The following ADCY8 variants were observed in gnomAD, a reference collection of about 807,000 sequenced individuals.
The protein encoded by ADCY8 is adenylate cyclase 8.
In ADCY8, 51 loss-of-function variants were observed where a neutral mutation model predicts 119.7. The ratio of observed to expected loss-of-function variants is 0.43; its 90% CI spans 0.34 to 0.54. The LOEUF is 0.54. Among genes scored for constraint, ADCY8 ranks in the 20% least tolerant of loss-of-function variants. The pLI is 0.03. For missense variants in ADCY8, 1,383 were observed against 1,598.8 expected (o/e 0.87, Z 2.30); for synonymous variants, 665 against 651.0 (o/e 1.02, Z -0.33).
intron 1 of ADCY8, among the ~76,000 whole-genome samples, chr8:131,014,373 T>C (rs1823403781): frequency 6.6e-6 from 1 of 152,222 alleles, no homozygotes; most frequent in Non-Finnish European, 1.5e-5. Context: ...CATTAGGTAG[T>C]AAAAATATAA....
intron 2 of ADCY8, among the ~76,000 whole-genome samples, chr8:130,982,091 C>T (rs972062447): frequency 8.5e-5 from 13 of 152,232 alleles, no homozygotes; most frequent in South Asian, 4.2e-4. Flanking sequence ...GCAAATAATG[C>T]GCTAGGAAGA....
intron 2 of ADCY8, among the ~76,000 whole-genome samples, chr8:130,969,470 A>T (rs953244494): frequency 3.9e-5 from 6 of 152,160 alleles, no homozygotes; most frequent in African/African-American, 1.4e-4. Context: ...CCTGACTAAT[A>T]TACATAGTAT....
intron 5 of ADCY8, among the ~76,000 whole-genome samples, chr8:130,926,679 T>C (rs1260668284): frequency 1.3e-5 from 2 of 152,268 alleles, no homozygotes; most frequent in South Asian, 2.1e-4. Context: ...AATAGGTCTT[T>C]TGAATTTATT....
intron 1 of ADCY8, among the ~76,000 whole-genome samples, chr8:131,013,934 T>C (rs1281009200): frequency 6.6e-6 from 1 of 152,230 alleles, no homozygotes; most frequent in Non-Finnish European, 1.5e-5. Flanking sequence ...GTGTGTTTAT[T>C]GTTGCAAAGG....
chr8:130,998,772 C>T (rs1379166361), intron 1 of ADCY8, among the ~76,000 whole-genome samples: 1 of 152,004 alleles, frequency 6.6e-6, no homozygotes, highest in South Asian at 2.1e-4. Flanking sequence ...GAATGTATTC[C>T]AAGGGAAGAG....
intron 5 of ADCY8, among the ~76,000 whole-genome samples, chr8:130,934,953 T>A (rs1820740351): frequency 6.6e-6 from 1 of 152,220 alleles, no homozygotes; most frequent in South Asian, 2.1e-4. Flanking sequence ...GACTTTCAGA[T>A]AAATCCCTTA....
chr8:131,030,016 C>T (rs1823948847), intron 1 of ADCY8, among the ~76,000 whole-genome samples: 1 of 152,154 alleles, frequency 6.6e-6, no homozygotes, highest in African/African-American at 2.4e-5. Flanking sequence ...AATTCTTGAC[C>T]TCAAGGGGCT....
chr8:131,012,856 T>A (rs1823354306), intron 1 of ADCY8, among the ~76,000 whole-genome samples: 2 of 152,164 alleles, frequency 1.3e-5, no homozygotes, highest in Admixed American at 1.3e-4. Context: ...TTCCAACTTT[T>A]CTCCTCCGTG....
rs1334196093 is a variant in ADCY8, at chr8:130,890,947, A to G, written c.1912-6186T>C. On this transcript the variant is annotated intron_variant, in intron 7 of 17. Coordinates refer to ENST00000286355, the MANE Select transcript of ADCY8 (RefSeq NM_001115.3). ...CAGTGTGGGCCAACTCATTGCTGAT[A>G]TGGAAAAGACCTAGCGAGAACGCCA... Among the ~76,000 whole-genome samples the G allele has an allele frequency of 2.0e-5, 3 of 152,308 alleles. No homozygotes were observed. The East Asian group carries it at 5.8e-4, about 29-fold the overall frequency.
rs768809658 is a variant in ADCY8 at position 130,849,814 on chromosome 8, A to T, written c.2211-11T>A. 1.2e-6 allele frequency: 2 copies of T among 1,608,710 alleles called. No individual in the cohort carries two copies. The highest frequency in any genetic ancestry group is 8.5e-7 in the Non-Finnish European group (1 of 1,177,378). Reference sequence around the variant, plus strand: ...GTCATTGGCATCACTCTGCAGGGAAACACAGAATGTTGGGTCATTGGCATC... The same window carrying T: ...GTCATTGGCATCACTCTGCAGGGAATCACAGAATGTTGGGTCATTGGCATC... On this transcript the variant is annotated splice_polypyrimidine_tract_variant and intron_variant, in intron 9 of 17. Coordinates refer to ENST00000286355, the MANE Select transcript of ADCY8 (RefSeq NM_001115.3).
In ADCY8 at chr8:131,039,448, C is replaced by T. The variant is rs747470923; in HGVS notation, c.886G>A (p.Gly296Ser). The T allele has an allele frequency of 1.2e-6, 2 of 1,614,216 alleles. No homozygotes were observed. Among genetic ancestry groups the T allele is most frequent in the South Asian group, 1.1e-5 (1 of 91,086 alleles). Residue 296 changes from glycine to serine, a missense_variant, in exon 1 of 18, where the codon GGC (glycine) becomes AGC (serine). By Grantham distance (56) the Gly-to-Ser change is moderately conservative. This residue lies in a region of ADCY8 where 455 missense variants were observed against 435.3 expected (regional missense o/e 1.05). Transcript: ENST00000286355. ...PLPLTWAILA[G>S]LGTSLLQVIL... Reference sequence around the variant, plus strand: ...ACCTGCAGCAGCGAGGTGCCCAGGCCGGCCAGGATGGCCCAGGTGAGCGGC... The same window carrying T: ...ACCTGCAGCAGCGAGGTGCCCAGGCTGGCCAGGATGGCCCAGGTGAGCGGC...
chr8:130,787,169 G>A (rs1168489964), intron 15 of ADCY8, among the ~76,000 whole-genome samples: 1 of 152,116 alleles, frequency 6.6e-6, no homozygotes, highest in Non-Finnish European at 1.5e-5. Flanking sequence ...GACAAGCACT[G>A]AAAGGGTGTA....
At chr8:131,004,660 G>C (rs1375066303) in intron 1 of ADCY8, among the ~76,000 whole-genome samples, 1 of 152,150 alleles carries the variant, frequency 6.6e-6, no homozygotes, top group Non-Finnish European at 1.5e-5. Flanking sequence ...TTTACTGAGT[G>C]CCTCCTATAG....
chr8:130,902,211 C>T (rs1186912532), intron 7 of ADCY8, among the ~76,000 whole-genome samples: 1 of 152,154 alleles, frequency 6.6e-6, no homozygotes, highest in Non-Finnish European at 1.5e-5. Flanking sequence ...GCATGCATTT[C>T]TTTCTCTTTA....
At chr8:131,033,342 T>C (rs936582495) in intron 1 of ADCY8, among the ~76,000 whole-genome samples, 3 of 152,192 alleles carry the variant, frequency 2.0e-5, no homozygotes, top group Admixed American at 1.3e-4. Context: ...TGGAATAAAC[T>C]CTTTTTAAAA....
At chr8:130,881,978 G>A (rs939924687) in intron 8 of ADCY8, among the ~76,000 whole-genome samples, 20 of 152,054 alleles carry the variant, frequency 1.3e-4, no homozygotes, top group Admixed American at 1.2e-3. Context: ...ATAGGCATAT[G>A]GGTTTCCTCA....
At chr8:130,859,952 T>C (rs1336141562) in intron 9 of ADCY8, among the ~76,000 whole-genome samples, 2 of 152,206 alleles carry the variant, frequency 1.3e-5, no homozygotes, top group African/African-American at 4.8e-5. Context: ...TTAAGGTTCA[T>C]TGATGTCTTT....
At chr8:130,832,261 G>A (rs1816856587) in intron 12 of ADCY8, among the ~76,000 whole-genome samples, 1 of 152,154 alleles carries the variant, frequency 6.6e-6, no homozygotes, top group African/African-American at 2.4e-5. Flanking sequence ...GAGGGTTGTT[G>A]TGGGACAGGT....
chr8:131,039,831 C>G lies in ADCY8; in HGVS notation c.503G>C (p.Arg168Pro). The part of the protein sequence containing the change: ...RNSFKSRDLE[R>P]LYQRYFLGQR... ...GCCCAAGAAATAGCGCTGGTAGAGG[C>G]GTTCCAAATCCCGAGATTTGAAGGA... The change falls in exon 1 of 18, where the codon CGC becomes CCC. Residue 168 changes from arginine (R) to proline (P), a missense_variant. Arg to Pro is a moderately radical substitution (Grantham distance 103, BLOSUM62 -2). Transcript: ENST00000286355. 1 of 1,614,172 alleles carries G rather than the reference C, an allele frequency of 6.2e-7. No homozygotes were observed. Among genetic ancestry groups the G allele is most frequent in the Non-Finnish European group, 8.5e-7 (1 of 1,180,028 alleles).
Sources: allele counts gnomAD v4.1 joint callset (sites outside exome capture counted in the v4.1 genomes callset), GRCh38; gene constraint gnomAD v4.1.1; regional missense constraint gnomAD v4.1.1; transcripts MANE v1.5; gene names NCBI Gene and HGNC (gene_info 2026-07-23, HGNC 2026-07-21).